Variants in EBF1 observed in about 807,000 individuals in gnomAD.
EBF1 encodes transcription factor COE1.
A neutral mutation model predicts 68.4 loss-of-function variants in EBF1; 10 were observed. That is an observed-to-expected ratio of 0.15 (90% CI 0.09 to 0.25). EBF1 has a LOEUF of 0.25. EBF1 is among the 10% of genes least tolerant of loss of function. The pLI is 1.00. For missense variants in EBF1, 509 were observed against 794.4 expected (o/e 0.64, Z 4.32); for synonymous variants, 298 against 299.8 (o/e 0.99, Z 0.06).
At chr5:158,882,624 C>T (rs540068389) in intron 6 of EBF1, among the ~76,000 whole-genome samples, 2 of 152,156 alleles carry the variant, frequency 1.3e-5, no homozygotes, top group African/African-American at 4.8e-5. Flanking sequence ...CTGTGTCCAA[C>T]CTTATCACAA....
chr5:158,765,161 G>A (rs1385648917), intron 10 of EBF1, among the ~76,000 whole-genome samples: 1 of 151,932 alleles, frequency 6.6e-6, no homozygotes, highest in African/African-American at 2.4e-5. Flanking sequence ...TTTTATTAAG[G>A]AAAATTTCTA....
At chr5:158,870,443 G>C (rs922886099) in intron 6 of EBF1, among the ~76,000 whole-genome samples, 5 of 152,162 alleles carry the variant, frequency 3.3e-5, no homozygotes, top group African/African-American at 4.8e-5. Context: ...CAGCACTTTA[G>C]GAGGTCAAGG....
intron 10 of EBF1, among the ~76,000 whole-genome samples, chr5:158,749,352 T>G (rs1312271201): frequency 6.6e-6 from 1 of 152,154 alleles, no homozygotes; most frequent in African/African-American, 2.4e-5. Flanking sequence ...CAATGCCATC[T>G]CTTTAGATTT....
chr5:158,755,719 G>A (rs892329380), intron 10 of EBF1, among the ~76,000 whole-genome samples: 2 of 152,072 alleles, frequency 1.3e-5, no homozygotes, highest in Non-Finnish European at 2.9e-5. Flanking sequence ...GGCCTGCAAG[G>A]GCCTTGGTAC....
intron 6 of EBF1, among the ~76,000 whole-genome samples, chr5:158,940,755 ACCCCACCGCCCCCCCCC>A (rs1193652465): frequency 1.5e-4 from 1 of 6,544 alleles, no homozygotes; most frequent in Admixed American, 3.1e-3. Context: ...CACCCCCTTC[ACCCCACCGCCCCCCCCC>A]CCCCCCCGCA....
chr5:158,941,988 AC>A (rs1045568959), intron 6 of EBF1, among the ~76,000 whole-genome samples: 1 of 152,238 alleles, frequency 6.6e-6, no homozygotes, highest in Non-Finnish European at 1.5e-5. Flanking sequence ...TTCTGAGGAA[AC>A]AAAAGGCATG....
At chr5:158,745,501 C>T (rs967388677) in intron 10 of EBF1, among the ~76,000 whole-genome samples, 7 of 152,090 alleles carry the variant, frequency 4.6e-5, no homozygotes, top group Admixed American at 3.3e-4. Flanking sequence ...CTCTTTGTGT[C>T]GTGTATCTTT....
At chr5:159,066,542 T>A (rs1379664779) in intron 6 of EBF1, among the ~76,000 whole-genome samples, 1 of 152,006 alleles carries the variant, frequency 6.6e-6, no homozygotes, top group East Asian at 1.9e-4. Context: ...ATTTAACATA[T>A]GTGACACCCC....
chr5:158,747,625 G>A (rs150163396), intron 10 of EBF1, among the ~76,000 whole-genome samples: 342 of 152,212 alleles, frequency 2.2e-3, no homozygotes, highest in African/African-American at 7.8e-3. Context: ...CAAAGCATCC[G>A]CATGTTTTAA....
intron 6 of EBF1, among the ~76,000 whole-genome samples, chr5:158,980,489 C>G (rs193299769): frequency 2.0e-5 from 3 of 152,274 alleles, no homozygotes; most frequent in Middle Eastern, 3.4e-3. Context: ...ATGGCGTGAA[C>G]AGGAATTGGA....
rs754384485 is a variant in EBF1 at position 159,099,363 on chromosome 5, G to A, written c.116C>T (p.Ala39Val). The change falls in exon 1 of 16, where the codon GCC becomes GTC. Residue 39 changes from alanine (A) to valine (V), a missense_variant. Physicochemically the swap from Ala to Val is moderately conservative, Grantham distance 64. Transcript: ENST00000313708. ...TWMQGAGVLD[A>V]NTAAQSGVGL... ...TACCCACCTCTGCGCCGCCGTGTTG[G>A]CGTCCAGCACCCCGGCGCCCTGCAT... The A allele has an allele frequency of 1.9e-6, 3 of 1,590,552 alleles. No homozygotes were observed. Among genetic ancestry groups the A allele is most frequent in the Admixed American group, 1.7e-5 (1 of 57,202 alleles).
intron 5 of EBF1, among the ~76,000 whole-genome samples, 156 bp downstream of exon 5, chr5:159,084,510 C>T (rs1465413299): frequency 1.3e-5 from 2 of 151,370 alleles, no homozygotes; most frequent in South Asian, 2.1e-4. Context: ...CACTTTACTA[C>T]CAAATACTCA....
At chr5:158,896,067 T>C (rs1802121790) in intron 6 of EBF1, among the ~76,000 whole-genome samples, 1 of 152,112 alleles carries the variant, frequency 6.6e-6, no homozygotes, top group South Asian at 2.1e-4. Flanking sequence ...AAAGGTTCTT[T>C]AGCTACAAAG....
chr5:158,752,405 C>T (rs1257978650), intron 10 of EBF1, among the ~76,000 whole-genome samples: 1 of 149,260 alleles, frequency 6.7e-6, no homozygotes, highest in East Asian at 2.0e-4. Context: ...TATAAAGATG[C>T]AGAAAGCTTT....
intron 6 of EBF1, among the ~76,000 whole-genome samples, chr5:158,915,271 C>T (rs1233614044): frequency 6.6e-6 from 1 of 152,188 alleles, no homozygotes; most frequent in Non-Finnish European, 1.5e-5. Context: ...TTTGCTGGTA[C>T]TTTTGGATTG....
intron 11 of EBF1, among the ~76,000 whole-genome samples, chr5:158,727,253 T>C (rs1056628983): frequency 1.3e-5 from 2 of 152,176 alleles, no homozygotes; most frequent in Non-Finnish European, 1.5e-5. Context: ...TGACGCCAGC[T>C]AAGCTCAGGG....
At chr5:159,079,327 C>T (rs1338191767) in intron 5 of EBF1, among the ~76,000 whole-genome samples, 1 of 152,178 alleles carries the variant, frequency 6.6e-6, no homozygotes, top group East Asian at 1.9e-4. Context: ...AGTTTGCAAA[C>T]ATTATCAAGT....
chr5:159,031,446 T>C (rs1002838764), intron 6 of EBF1, among the ~76,000 whole-genome samples: 3 of 140,820 alleles, frequency 2.1e-5, no homozygotes. Flanking sequence ...GCCCAGCATA[T>C]GCATATGCAC....
At chr5:158,734,532 T>C (rs140435534) in intron 10 of EBF1, among the ~76,000 whole-genome samples, 55 of 152,196 alleles carry the variant, frequency 3.6e-4, no homozygotes, top group African/African-American at 1.3e-3. Flanking sequence ...TAAAGAATGG[T>C]ATATTTATTT....
Sources: allele counts gnomAD v4.1 joint callset (sites outside exome capture counted in the v4.1 genomes callset), GRCh38; gene constraint gnomAD v4.1.1; transcripts MANE v1.5; gene names NCBI Gene and HGNC (gene_info 2026-07-23, HGNC 2026-07-21).